The following CPNE3 variants were observed in gnomAD, a reference collection of about 807,000 sequenced individuals.
CPNE3 encodes the protein copine-3.
CPNE3 carries 68 observed loss-of-function variants against 63.9 expected under a neutral mutation model. The ratio of observed to expected loss-of-function variants is 1.06; its 90% CI spans 0.87 to 1.30. CPNE3 has a LOEUF of 1.30. Among genes scored for constraint, CPNE3 ranks in the 50% most tolerant of loss-of-function variants. The pLI is 0.00. For synonymous variants in CPNE3, 219 were observed against 197.5 expected (o/e 1.11, Z -0.91); for missense variants, 665 against 578.1 (o/e 1.15, Z -1.54).
intron 14 of CPNE3, among the ~76,000 whole-genome samples, chr8:86,553,315 G>T (rs762993143): frequency 1.4e-4 from 21 of 152,026 alleles, no homozygotes; most frequent in Non-Finnish European, 1.9e-4. Context: ...AAACTAAGAG[G>T]AGTTTATTGG....
At chr8:86,551,538 C>A in intron 14 of CPNE3, 1 of 247,928 alleles carries the variant, frequency 4.0e-6, no homozygotes, top group Non-Finnish European at 7.6e-6. Context: ...TGGAGTAGAT[C>A]AGTAAAAATA....
intron 8 of CPNE3, among the ~76,000 whole-genome samples, chr8:86,543,984 C>T (rs530455466): frequency 2.0e-5 from 3 of 152,164 alleles, no homozygotes; most frequent in East Asian, 3.9e-4. Context: ...CAACCTGTCA[C>T]GAAATTACAT....
chr8:86,533,024 TTATCTATCTATC>T (rs56759618), intron 6 of CPNE3, among the ~76,000 whole-genome samples: 1,508 of 145,598 alleles, frequency 0.01, 32 homozygotes, highest in East Asian at 0.039. Context: ...TTTATCTATC[TTATCTATCTATC>T]TATCTATCTA....
At chr8:86,532,335 A>T (rs1267081763) in intron 5 of CPNE3, among the ~76,000 whole-genome samples, 174 bp from the exon 6 acceptor site, 1 of 152,254 alleles carries the variant, frequency 6.6e-6, no homozygotes, top group Non-Finnish European at 1.5e-5. Flanking sequence ...TATTTCACAC[A>T]CATAAAAGAA....
chr8:86,523,632 C>G (rs1237145259), intron 2 of CPNE3, among the ~76,000 whole-genome samples: 2 of 152,176 alleles, frequency 1.3e-5, no homozygotes, highest in Admixed American at 6.5e-5. Context: ...GTCGCCCAGG[C>G]TGGAGTGCAG....
intron 12 of CPNE3, among the ~76,000 whole-genome samples, chr8:86,549,987 G>A (rs1821137157): frequency 6.6e-6 from 1 of 152,228 alleles, no homozygotes; most frequent in Non-Finnish European, 1.5e-5. Context: ...GATATTGCCG[G>A]AGAGCAGCAA....
intron 11 of CPNE3, 136 bp downstream of exon 11, chr8:86,547,906 G>C: frequency 1.7e-6 from 1 of 604,998 alleles, no homozygotes; most frequent in Middle Eastern, 4.3e-4. Context: ...CCTCAGGCAG[G>C]TTGTCTGGGC....
intron 5 of CPNE3, among the ~76,000 whole-genome samples, chr8:86,532,253 G>A (rs1820699251): frequency 6.6e-6 from 1 of 152,174 alleles, no homozygotes; most frequent in Non-Finnish European, 1.5e-5. Context: ...GAATAGGGAA[G>A]ATCCAATTTG....
At chr8:86,525,310 T>C (rs911722530) in intron 2 of CPNE3, among the ~76,000 whole-genome samples, 1 of 152,232 alleles carries the variant, frequency 6.6e-6, no homozygotes, top group African/African-American at 2.4e-5. Flanking sequence ...GTGGATAAAG[T>C]ATACTATTGC....
chr8:86,540,310 C>G lies in CPNE3; in HGVS notation c.609C>G (p.Tyr203Ter). The G allele has an allele frequency of 6.4e-7, 1 of 1,566,966 alleles. No individual in the cohort carries two copies. The highest frequency in any genetic ancestry group is 8.6e-7 in the Non-Finnish European group (1 of 1,158,278). ...AGATCTCTCTTAACTCACTGTGTTA[C>G]GGAGATATGGACAAAACCATTAAGG... The part of the protein sequence containing the change: ...PFKISLNSLC[Y>*]GDMDKTIKVE... Residue 203 changes from tyrosine to a stop codon, truncating the protein, a stop_gained, in exon 8 of 17, where the codon TAC (tyrosine) becomes TAG (stop). Coordinates refer to ENST00000517490, the MANE Select transcript of CPNE3 (RefSeq NM_003909.5). LOFTEE classifies it high-confidence loss of function.
chr8:86,560,058 A>T lies in CPNE3; in HGVS notation c.*1648A>T, dbSNP rs1317236163. 1.3e-5 allele frequency: 2 copies of T among 152,074 alleles called. No homozygotes were observed. The highest frequency in any genetic ancestry group is 2.9e-5 in the Non-Finnish European group (2 of 68,028). 9.4% of individuals were successfully genotyped at this position (152,074 alleles called of 1,614,324 possible). On this transcript the variant is annotated 3_prime_UTR_variant, in exon 17 of 17. Transcript: ENST00000517490. ...ATGAGCATTTACCTACCACCTTCCC[A>T]CTTGGCTAGCTGTCCTTTGGATATG... is the stretch of plus-strand genomic sequence containing the variant.
intron 6 of CPNE3, among the ~76,000 whole-genome samples, chr8:86,536,052 A>G (rs1441041037): frequency 2.0e-5 from 3 of 152,014 alleles, no homozygotes; most frequent in African/African-American, 7.3e-5. Flanking sequence ...ACATGGCTCT[A>G]AAATCTACAA....
At position 86,559,679 on chromosome 8, in the gene CPNE3, C is replaced by A. The variant is rs1821395322; in HGVS notation, c.*1269C>A. 6.6e-6 allele frequency: 1 copy of A among 151,422 alleles called. No homozygotes were observed. The highest frequency in any genetic ancestry group is 2.4e-5 in the African/African-American group (1 of 41,162). 9.4% of individuals were successfully genotyped at this position (151,422 alleles called of 1,614,324 possible). ...TTGAATTTCTTTTCCTGACTTTTACCTTTTACAGCGTATTACTTAGTGAAC... is the reference window on the plus strand; with the variant it reads ...TTGAATTTCTTTTCCTGACTTTTACATTTTACAGCGTATTACTTAGTGAAC... On this transcript the variant is annotated 3_prime_UTR_variant, in exon 17 of 17. Transcript: ENST00000517490.
intron 16 of CPNE3, among the ~76,000 whole-genome samples, chr8:86,556,916 A>G (rs961520512): frequency 6.6e-6 from 1 of 152,160 alleles, no homozygotes; most frequent in Non-Finnish European, 1.5e-5. Context: ...GAATCGTACA[A>G]TATACAACCT....
intron 16 of CPNE3, among the ~76,000 whole-genome samples, chr8:86,556,992 CT>C (rs1490123836): frequency 2.0e-5 from 3 of 152,118 alleles, no homozygotes; most frequent in African/African-American, 7.2e-5. Flanking sequence ...GCAAGTACTT[CT>C]TTTTATTGCT....
In CPNE3 at chr8:86,531,228, C is replaced by T. The variant is rs76328401; in HGVS notation, c.386C>T (p.Thr129Met). ...AGACCTGCAGGAAAAGGGAGCATTA[C>T]GGTAAAAATAAGATATTTGTCTTTT... ...TGRPAGKGSI[T>M]ISAEEIKDNR... The change falls in exon 5 of 17, where the codon ACG becomes ATG. Residue 129 changes from threonine to methionine, a missense_variant and splice_region_variant. Physicochemically the swap from Thr to Met is moderately conservative, Grantham distance 81 (BLOSUM62 -1). Transcript: ENST00000517490. 7.4e-4 allele frequency: 847 copies of T among 1,141,970 alleles called. 3 individuals are homozygous for T. The African/African-American group carries it at 0.011, about 14-fold the overall frequency. 70.7% of individuals were successfully genotyped at this position (1,141,970 alleles called of 1,614,324 possible). A position where few individuals can be genotyped will look rare whatever the true frequency, so the allele number is the denominator to read the frequency against.
At chr8:86,547,971 A>G (rs1321237268) in intron 11 of CPNE3, among the ~76,000 whole-genome samples, 2 of 152,212 alleles carry the variant, frequency 1.3e-5, no homozygotes, top group Admixed American at 1.3e-4. Context: ...GAGAGAAAGC[A>G]GATGTATACA....
chr8:86,555,043 CA>C lies in CPNE3; in HGVS notation c.1254+60del. On this transcript the variant is annotated intron_variant, in intron 15 of 16. Transcript: ENST00000517490. ...GTGGATTGGTAGCAGCTCCTGGTGCCATTTTTCTATGTTTTTGGTTTGTCAT... is the reference window on the plus strand; with the variant it reads ...GTGGATTGGTAGCAGCTCCTGGTGCCTTTTTCTATGTTTTTGGTTTGTCAT... 4 of 1,602,602 alleles carry C rather than the reference CA, an allele frequency of 2.5e-6. 1 individual carries two copies. In the Middle Eastern group the frequency reaches 6.7e-4, roughly 268 times the overall value.
At chr8:86,537,985 T>TCACA (rs577185878) in intron 7 of CPNE3, among the ~76,000 whole-genome samples, 71 of 142,918 alleles carry the variant, frequency 5.0e-4, no homozygotes, top group South Asian at 7.1e-4. Flanking sequence ...TCTCTCTCTC[T>TCACA]CTCACACACA....
Sources: gnomAD v4.1 joint callset for allele counts (sites outside exome capture counted in the v4.1 genomes callset) on GRCh38, gnomAD v4.1.1 for gene constraint, MANE v1.5 for transcripts, NCBI Gene and HGNC (gene_info 2026-07-23, HGNC 2026-07-21) for gene names.